MYH15: variants seen among roughly 807,000 people sequenced by gnomAD.
MYH15 encodes the protein myosin heavy chain 15, also known as myosin-15.
MYH15 carries 227 observed loss-of-function variants against 240.5 expected under a neutral mutation model. That is an observed-to-expected ratio of 0.94 (90% confidence interval 0.85 to 1.05). The LOEUF (loss-of-function observed/expected upper bound fraction) is 1.05. Among genes scored for constraint, MYH15 ranks in the 50% least tolerant of loss-of-function variants. MYH15 has a pLI of 0.00. For missense variants in MYH15, 2,217 were observed against 2,247.5 expected (o/e 0.99, Z 0.27); for synonymous variants, 785 against 796.7 (o/e 0.99, Z 0.25).
At chr3:108,425,386 T>C (rs1336599658) in intron 27 of MYH15, among the ~76,000 whole-genome samples, 1 of 152,110 alleles carries the variant, frequency 6.6e-6, no homozygotes, top group Non-Finnish European at 1.5e-5. Flanking sequence ...TTTACAAATA[T>C]TAATTTGGGC....
At position 108,492,201 on chromosome 3, in the gene MYH15, T is replaced by TACACACACACACAC. The variant is rs10662107; in HGVS notation, c.871+285_871+298dup. Among the ~76,000 whole-genome samples the TACACACACACACAC allele has an allele frequency of 4.3e-3, 638 of 148,022 alleles. 2 individuals are homozygous for TACACACACACACAC. Among genetic ancestry groups the TACACACACACACAC allele is most frequent in the East Asian group, 0.037 (186 of 4,994 alleles). On this transcript the variant is annotated intron_variant, in intron 9 of 40. Transcript: ENST00000693548. ...TTAAGGCCTTAAATTAATGCTTTTA[T>TACACACACACACAC]ACACACACACACACACACACACACA...
chr3:108,437,774 T>C, intron 24 of MYH15, 75 bp from the exon 25 acceptor site: 1 of 1,376,678 alleles, frequency 7.3e-7, no homozygotes, highest in Non-Finnish European at 9.4e-7. Flanking sequence ...CATTAACCAC[T>C]TACCTTCTGG....
chr3:108,417,929 AACATC>A (rs1369865437), intron 28 of MYH15, among the ~76,000 whole-genome samples: 1 of 152,152 alleles, frequency 6.6e-6, no homozygotes, highest in Non-Finnish European at 1.5e-5. Flanking sequence ...CATATTTGTT[AACATC>A]ACTGCTGAGC....
At chr3:108,539,256 G>T in the MYH15 span, among the ~76,000 whole-genome samples, 2 of 152,088 alleles carry the variant, frequency 1.3e-5, no homozygotes, top group African/African-American at 4.8e-5. Flanking sequence ...ATACTAATGA[G>T]TCCATATATA....
intron 15 of MYH15, 145 bp downstream of exon 15, chr3:108,464,493 C>A (rs2083096943): frequency 1.2e-6 from 1 of 851,752 alleles, no homozygotes; most frequent in Admixed American, 2.6e-5. Flanking sequence ...AAAGGCTACA[C>A]TACCTTTTTT....
chr3:108,484,628 G>T (rs1429368272), intron 11 of MYH15, among the ~76,000 whole-genome samples: 4 of 151,986 alleles, frequency 2.6e-5, no homozygotes, highest in Admixed American at 2.6e-4. Context: ...ATAGGCGTGC[G>T]CAACCACGCC....
chr3:108,498,128 C>G lies in MYH15; in HGVS notation c.542G>C (p.Gly181Ala), dbSNP rs554365103. ...AATATGTTTGCTGTTCACAGTCTTT[C>G]CAGCACCAGATTCTCCTCTGTGATT... is the stretch of plus-strand genomic sequence containing the variant. The part of the protein sequence containing the change: ...SILFTGESGA[G>A]KTVNSKHIIQ... The change falls in exon 6 of 41, where the codon GGA (glycine) becomes GCA (alanine). Residue 181 changes from glycine (G) to alanine (A), a missense_variant. By Grantham distance (60) the Gly-to-Ala change is moderately conservative. Coordinates refer to ENST00000693548, the MANE Select transcript of MYH15 (RefSeq NM_014981.3). The G allele has an allele frequency of 6.2e-6, 10 of 1,614,014 alleles. No individual in the cohort carries two copies. The South Asian group carries it at 6.6e-5, about 11-fold the overall frequency.
At chr3:108,454,807 G>A (rs1284943718) in intron 20 of MYH15, among the ~76,000 whole-genome samples, 2 of 152,202 alleles carry the variant, frequency 1.3e-5, no homozygotes, top group African/African-American at 4.8e-5. Flanking sequence ...CACTAAGTGT[G>A]AGAGTGCCCT....
chr3:108,487,158 G>A (rs1399272874), intron 9 of MYH15, among the ~76,000 whole-genome samples: 1 of 152,198 alleles, frequency 6.6e-6, no homozygotes, highest in Non-Finnish European at 1.5e-5. Context: ...CTGAAGCAGA[G>A]GCAGGCTGTC....
intron 33 of MYH15, 43 bp downstream of exon 33, chr3:108,405,295 T>C (rs2082538165): frequency 6.6e-6 from 8 of 1,205,744 alleles, no homozygotes; most frequent in Non-Finnish European, 9.1e-6. Flanking sequence ...AGTCAAGGAT[T>C]CAGAAATACA....
rs1392395702 is a variant in MYH15 at position 108,408,373 on chromosome 3, T to C, written c.4527A>G (p.Arg1509=). The change falls in exon 32 of 41, where the codon AGA becomes AGG. Residue 1509 remains arginine, a synonymous_variant. Coordinates refer to ENST00000693548, the MANE Select transcript of MYH15 (RefSeq NM_014981.3). ...TTTCAGTTAAGTTCTTGGTCCCTTC[T>C]CTAACCTGGTTTGTCAGATTAGAAA... is the stretch of plus-strand genomic sequence containing the variant. ...EEISNLTNQV[R]EGTKNLTEME... The C allele has an allele frequency of 3.1e-6, 5 of 1,612,534 alleles. No individual in the cohort carries two copies. The highest frequency in any genetic ancestry group is 1.7e-4 in the Middle Eastern group (1 of 6,058).
chr3:108,510,233 C>A (rs2083511426), intron 1 of MYH15, among the ~76,000 whole-genome samples: 1 of 152,104 alleles, frequency 6.6e-6, no homozygotes, highest in South Asian at 2.1e-4. Context: ...CCTAGACTGC[C>A]TCCCAGCCAC....
At chr3:108,497,967 T>C in intron 6 of MYH15, 85 bp downstream of exon 6, 1 of 1,169,298 alleles carries the variant, frequency 8.6e-7, no homozygotes, top group Non-Finnish European at 1.3e-6. Context: ...GTGGCCTCAC[T>C]TCCCAAAAGT....
Position 108,441,207 on chromosome 3 carries a change from G to A in MYH15, c.2709C>T (p.Ser903=). 12 of 1,614,030 alleles carry A rather than the reference G, an allele frequency of 7.4e-6. No homozygotes were observed. Among genetic ancestry groups the A allele is most frequent in the Non-Finnish European group, 9.3e-6 (11 of 1,179,970 alleles). The change falls in exon 23 of 41, where the codon TCC becomes TCT. Residue 903 remains serine (S), a synonymous_variant. Coordinates refer to ENST00000693548, the MANE Select transcript of MYH15 (RefSeq NM_014981.3). ...TTACTCTGGCCTCCAGCTGGATCTT[G>A]GATTTAATCAGCCACTCGCACTGCT... ...VEEQCEWLIK[S]KIQLEARVKE... is the part of the protein sequence containing the mutation.
At chr3:108,401,329 T>C (rs1450616088) in intron 33 of MYH15, among the ~76,000 whole-genome samples, 1 of 152,036 alleles carries the variant, frequency 6.6e-6, no homozygotes, top group Non-Finnish European at 1.5e-5. Context: ...GACACAGGGA[T>C]GCATGTGCGC....
chr3:108,459,690 A>G (rs903999059), intron 17 of MYH15, among the ~76,000 whole-genome samples: 1 of 152,186 alleles, frequency 6.6e-6, no homozygotes, highest in African/African-American at 2.4e-5. Flanking sequence ...CCTATTTTGA[A>G]TTTGATAGCA....
At chr3:108,400,894 C>G (rs1270731073) in intron 33 of MYH15, among the ~76,000 whole-genome samples, 1 of 152,150 alleles carries the variant, frequency 6.6e-6, no homozygotes, top group African/African-American at 2.4e-5. Flanking sequence ...GGAGGTGCTA[C>G]TTTTCGTGAC....
intron 13 of MYH15, 46 bp downstream of exon 13, chr3:108,470,652 C>G: frequency 6.3e-7 from 1 of 1,594,748 alleles, no homozygotes; most frequent in Non-Finnish European, 8.6e-7. Context: ...GTTTTCTAAT[C>G]TTCTTATAAA....
At chr3:108,496,604 T>C (rs1428560499) in intron 6 of MYH15, among the ~76,000 whole-genome samples, 1 of 152,170 alleles carries the variant, frequency 6.6e-6, no homozygotes, top group Non-Finnish European at 1.5e-5. Flanking sequence ...GGGACTTATA[T>C]AGTATACTGT....
Sources: gnomAD v4.1 joint callset for allele counts (sites outside exome capture counted in the v4.1 genomes callset) on GRCh38, gnomAD v4.1.1 for gene constraint, MANE v1.5 for transcripts, NCBI Gene and HGNC (gene_info 2026-07-23, HGNC 2026-07-21) for gene names.